Variants in GPC5 observed in about 807,000 individuals in gnomAD.
GPC5 encodes glypican-5.
A neutral mutation model predicts 53.9 loss-of-function variants in GPC5; 47 were observed. The observed-to-expected ratio is 0.87, with a 90% CI of 0.69 to 1.11. The LOEUF is 1.11. GPC5 is among the 50% of genes most tolerant of loss of function. The pLI is 0.00. For synonymous variants in GPC5, 286 were observed against 263.3 expected, an observed-to-expected ratio of 1.09 and a Z score of -0.84; for missense variants, 748 against 713.1, an observed-to-expected ratio of 1.05 and a Z score of -0.56.
intron 7 of GPC5, among the ~76,000 whole-genome samples, chr13:92,288,568 C>T (rs1284821403): frequency 6.6e-6 from 1 of 152,128 alleles, no homozygotes; most frequent in Non-Finnish European, 1.5e-5. Context: ...AAATACCAGC[C>T]TCTATCTTAA....
intron 6 of GPC5, among the ~76,000 whole-genome samples, chr13:92,029,089 T>A (rs1157323733): frequency 6.6e-6 from 1 of 152,198 alleles, no homozygotes; most frequent in Non-Finnish European, 1.5e-5. Flanking sequence ...GAAATCTATA[T>A]ATTTATCTAA....
intron 7 of GPC5, among the ~76,000 whole-genome samples, chr13:92,838,982 T>G (rs781053681): frequency 1.3e-5 from 2 of 152,208 alleles, no homozygotes; most frequent in Non-Finnish European, 2.9e-5. Flanking sequence ...CAACTGCTGT[T>G]AGACATGAGT....
intron 2 of GPC5, among the ~76,000 whole-genome samples, chr13:91,462,796 A>G (rs1383893072): frequency 6.6e-6 from 1 of 152,136 alleles, no homozygotes; most frequent in Non-Finnish European, 1.5e-5. Flanking sequence ...CATACTAGCT[A>G]TAGTCCCAGG....
At chr13:91,537,552 T>G (rs1021767072) in intron 2 of GPC5, among the ~76,000 whole-genome samples, 1 of 152,152 alleles carries the variant, frequency 6.6e-6, no homozygotes, top group Non-Finnish European at 1.5e-5. Flanking sequence ...TAAAGAAAAG[T>G]GTTCAACTAG....
At chr13:92,766,171 G>C (rs934107118) in intron 7 of GPC5, among the ~76,000 whole-genome samples, 1 of 151,984 alleles carries the variant, frequency 6.6e-6, no homozygotes, top group Non-Finnish European at 1.5e-5. Flanking sequence ...CCTTATATGA[G>C]TCTACCTGCA....
intron 7 of GPC5, among the ~76,000 whole-genome samples, chr13:92,218,980 G>A (rs1177884982): frequency 6.6e-6 from 1 of 152,086 alleles, no homozygotes; most frequent in Non-Finnish European, 1.5e-5. Context: ...CAGGCCCAAC[G>A]TTAAAGGAAG....
chr13:92,063,114 A>G (rs1397626837), intron 6 of GPC5, among the ~76,000 whole-genome samples: 1 of 152,126 alleles, frequency 6.6e-6, no homozygotes, highest in Non-Finnish European at 1.5e-5. Flanking sequence ...AGTAACACTG[A>G]CTTAAACAGA....
chr13:92,167,911 G>A (rs1222619588), intron 7 of GPC5, among the ~76,000 whole-genome samples: 2 of 151,912 alleles, frequency 1.3e-5, no homozygotes, highest in African/African-American at 4.8e-5. Context: ...CAAACTGGAA[G>A]GCCTGTAAGT....
At chr13:92,736,702 C>T (rs552473345) in intron 7 of GPC5, among the ~76,000 whole-genome samples, 1 of 151,972 alleles carries the variant, frequency 6.6e-6, no homozygotes, top group South Asian at 2.1e-4. Context: ...TTATTTATCT[C>T]TATGAATGTT....
intron 2 of GPC5, among the ~76,000 whole-genome samples, chr13:91,478,881 T>TTATATATATATATA (rs71113743): frequency 0.025 from 1,656 of 66,774 alleles, 63 homozygotes; most frequent in East Asian, 0.066. Flanking sequence ...TATATACACA[T>TTATATATATATATA]TATATATATA....
intron 5 of GPC5, among the ~76,000 whole-genome samples, chr13:91,804,537 T>G (rs2038189626): frequency 6.6e-6 from 1 of 152,230 alleles, no homozygotes; most frequent in Admixed American, 6.5e-5. Flanking sequence ...GATGCACGCT[T>G]TCTGCTACTA....
At chr13:91,622,659 G>A (rs886789008) in intron 2 of GPC5, among the ~76,000 whole-genome samples, 5 of 152,098 alleles carry the variant, frequency 3.3e-5, no homozygotes, top group African/African-American at 4.8e-5. Flanking sequence ...CATGCCATGC[G>A]ATCTTCCAGC....
At chr13:92,128,658 T>A (rs1458484103) in intron 6 of GPC5, among the ~76,000 whole-genome samples, 1 of 152,172 alleles carries the variant, frequency 6.6e-6, no homozygotes, top group Non-Finnish European at 1.5e-5. Context: ...ATTGCAGGCA[T>A]GCTTTTAATT....
At chr13:92,021,325 C>T (rs2040756365) in intron 6 of GPC5, among the ~76,000 whole-genome samples, 1 of 152,124 alleles carries the variant, frequency 6.6e-6, no homozygotes, top group Non-Finnish European at 1.5e-5. Flanking sequence ...CAATACGTGA[C>T]AGCATGGATG....
chr13:92,646,930 A>ATG (rs753380099), intron 7 of GPC5, among the ~76,000 whole-genome samples: 10,368 of 146,448 alleles, frequency 0.071, 438 homozygotes, highest in African/African-American at 0.11. Flanking sequence ...ATATATAAAC[A>ATG]TGTGTGTGTG....
chr13:91,556,597 A>C (rs1224082607), intron 2 of GPC5, among the ~76,000 whole-genome samples: 1 of 151,708 alleles, frequency 6.6e-6, no homozygotes, highest in Non-Finnish European at 1.5e-5. Context: ...CCACACACAC[A>C]TATACACACA....
intron 7 of GPC5, among the ~76,000 whole-genome samples, chr13:92,552,156 A>T (rs964770706): frequency 6.6e-6 from 1 of 151,906 alleles, no homozygotes; most frequent in Non-Finnish European, 1.5e-5. Flanking sequence ...AATTTAAAGT[A>T]AGTGTGAAGA....
chr13:91,411,998 G>A (rs1356896142), intron 1 of GPC5, among the ~76,000 whole-genome samples: 2 of 152,144 alleles, frequency 1.3e-5, no homozygotes, highest in Non-Finnish European at 2.9e-5. Flanking sequence ...TCTGTTAAAT[G>A]TTCCTTTCCC....
chr13:91,557,121 A>G (rs982895528), intron 2 of GPC5, among the ~76,000 whole-genome samples: 1 of 152,044 alleles, frequency 6.6e-6, no homozygotes, highest in Admixed American at 6.6e-5. Flanking sequence ...TGTAAAAGAA[A>G]CTACCAAATT....
Sources: allele counts gnomAD v4.1 joint callset (sites outside exome capture counted in the v4.1 genomes callset), GRCh38; gene constraint gnomAD v4.1.1; transcripts MANE v1.5; gene names NCBI Gene and HGNC (gene_info 2026-07-23, HGNC 2026-07-21).